MTHFD2L: variants seen among roughly 807,000 people sequenced by gnomAD.
The protein encoded by MTHFD2L is methylenetetrahydrofolate dehydrogenase (NADP+ dependent) 2 like.
MTHFD2L carries 29 observed loss-of-function variants against 34.9 expected under a neutral mutation model. The ratio of observed to expected loss-of-function variants is 0.83; its 90% confidence interval spans 0.62 to 1.13. The LOEUF (loss-of-function observed/expected upper bound fraction) is 1.13. MTHFD2L is among the 50% of genes most tolerant of loss of function. The probability of loss-of-function intolerance (pLI) is 0.00; values close to 1 mark genes in which losing one functional copy is unlikely to be tolerated. For synonymous variants in MTHFD2L, 167 were observed against 155.7 expected (o/e 1.07, Z -0.54); for missense variants, 481 against 446.5 (o/e 1.08, Z -0.70).
intron 3 of MTHFD2L, among the ~76,000 whole-genome samples, chr4:74,177,105 T>G (rs955893192): frequency 1.3e-5 from 2 of 151,920 alleles, no homozygotes; most frequent in African/African-American, 4.8e-5. Context: ...TGGCAGATAA[T>G]GCTTACATTA....
chr4:74,199,176 ATTACT>A (rs1475446440), intron 3 of MTHFD2L, among the ~76,000 whole-genome samples: 1 of 152,050 alleles, frequency 6.6e-6, no homozygotes, highest in African/African-American at 2.4e-5. Flanking sequence ...ATTTCATTTG[ATTACT>A]TTATTACTCA....
intron 5 of MTHFD2L, among the ~76,000 whole-genome samples, chr4:74,217,850 A>G (rs1449321159): frequency 6.6e-6 from 1 of 152,182 alleles, no homozygotes; most frequent in African/African-American, 2.4e-5. Context: ...GTGGTTTATC[A>G]GTGGGAAAGG....
chr4:74,269,865 A>G (rs915965626), intron 6 of MTHFD2L, among the ~76,000 whole-genome samples: 1 of 152,158 alleles, frequency 6.6e-6, no homozygotes, highest in Non-Finnish European at 1.5e-5. Context: ...GTATTATTTG[A>G]TATTTCCAGA....
In MTHFD2L at chr4:74,203,372, C is replaced by T. The variant is rs146228825; in HGVS notation, c.712+2002C>T. Among the ~76,000 whole-genome samples the T allele has an allele frequency of 7.5e-3, 1,148 of 152,114 alleles. 11 individuals carry two copies. The highest frequency in any genetic ancestry group is 0.026 in the African/African-American group (1,085 of 41,502). On this transcript the variant is annotated intron_variant, in intron 5 of 7. Coordinates refer to ENST00000325278, the MANE Select transcript of MTHFD2L (RefSeq NM_001144978.3). ...AAATAAAGATAGTGATTCTTATTTGCCTTTATGTAATAATTTCTGTGTCTT... is the reference window on the plus strand; with the variant it reads ...AAATAAAGATAGTGATTCTTATTTGTCTTTATGTAATAATTTCTGTGTCTT...
intron 1 of MTHFD2L, chr4:74,143,251 C>T (rs1455134911): frequency 3.5e-5 from 7 of 202,670 alleles, no homozygotes; most frequent in East Asian, 1.9e-4. Context: ...GGAAAGCATA[C>T]GTGCACTGAT....
intron 6 of MTHFD2L, among the ~76,000 whole-genome samples, chr4:74,250,054 G>A (rs1237605009): frequency 6.6e-6 from 1 of 152,066 alleles, no homozygotes; most frequent in Non-Finnish European, 1.5e-5. Context: ...AGTTCTCCTG[G>A]ATAATATCCT....
At chr4:74,261,327 G>A (rs2110223044) in intron 6 of MTHFD2L, among the ~76,000 whole-genome samples, 1 of 152,004 alleles carries the variant, frequency 6.6e-6, no homozygotes, top group Non-Finnish European at 1.5e-5. Flanking sequence ...AGTATCTACA[G>A]ATATCAATAA....
chr4:74,241,020 A>T (rs984941870), intron 6 of MTHFD2L, among the ~76,000 whole-genome samples: 1 of 152,186 alleles, frequency 6.6e-6, no homozygotes, highest in African/African-American at 2.4e-5. Flanking sequence ...AGCCCTAGGG[A>T]TACTAAAATA....
In MTHFD2L at chr4:74,191,049, G is replaced by A. The variant is rs543303549; in HGVS notation, c.452-8745G>A. ...CTGAGTAGCTGGGAGTACAGGTGCC[G>A]GCCACCATGCCCATCTAATTTTAGT... On this transcript the variant is annotated intron_variant, in intron 3 of 7. Transcript: ENST00000325278. 5.3e-5 allele frequency among the ~76,000 whole-genome samples: 8 copies of A among 151,838 alleles called. No homozygotes were observed. The South Asian group carries it at 1.5e-3, about 28-fold the overall frequency.
chr4:74,170,596 T>A (rs965737558), intron 1 of MTHFD2L, among the ~76,000 whole-genome samples: 1 of 151,542 alleles, frequency 6.6e-6, no homozygotes, highest in African/African-American at 2.4e-5. Flanking sequence ...TAAATTGGAG[T>A]ACATTAAAAT....
intron 1 of MTHFD2L, among the ~76,000 whole-genome samples, chr4:74,163,727 G>A (rs531273272): frequency 6.6e-6 from 1 of 152,256 alleles, no homozygotes; most frequent in East Asian, 1.9e-4. Flanking sequence ...ATTTTGCCCT[G>A]TTTTTGGGGG....
intron 5 of MTHFD2L, among the ~76,000 whole-genome samples, chr4:74,217,159 C>T (rs1459572258): frequency 6.6e-6 from 1 of 151,770 alleles, no homozygotes; most frequent in Non-Finnish European, 1.5e-5. Context: ...GTCTTTTCAC[C>T]TGGTTTCCTT....
At chr4:74,301,593 T>G in intron 7 of MTHFD2L, 104 bp from the exon 8 acceptor site, 1 of 622,322 alleles carries the variant, frequency 1.6e-6, no homozygotes, top group Non-Finnish European at 2.7e-6. Context: ...CTAAAAATGA[T>G]TTGTATATAT....
chr4:74,158,169 C>A lies in MTHFD2L; in HGVS notation c.31C>A (p.Leu11Ile). Residue 11 changes from leucine to isoleucine, a missense_variant, in exon 1 of 8, where the codon CTC becomes ATC. Leu to Ile is a conservative substitution (Grantham distance 5). Coordinates refer to ENST00000325278, the MANE Select transcript of MTHFD2L (RefSeq NM_001144978.3). MTVPVRGFSL[L>I]RGRLGRAPAL... ...GGTGCCGGTCCGCGGCTTCTCGCTG[C>A]TCCGCGGCCGCCTTGGCCGAGCGCC... 1 of 1,528,978 alleles carries A rather than the reference C, an allele frequency of 6.5e-7. No individual in the cohort carries two copies. The highest frequency in any genetic ancestry group is 8.8e-7 in the Non-Finnish European group (1 of 1,139,218). 94.7% of individuals were successfully genotyped at this position (1,528,978 alleles called of 1,614,324 possible).
At chr4:74,132,326 G>A (rs1722579397) in intron 1 of MTHFD2L, among the ~76,000 whole-genome samples, 1 of 151,938 alleles carries the variant, frequency 6.6e-6, no homozygotes, top group Non-Finnish European at 1.5e-5. Flanking sequence ...TAGCAAAGAT[G>A]TCAAACCAAC....
In MTHFD2L at chr4:74,267,237, A is replaced by G. The variant is rs1050694816; in HGVS notation, c.806-14188A>G. ...GGCCTGCAGTCTCTCCTCATTCCCC[A>G]AGTGCATTGGTGTCTGTTTGCAGGA... On this transcript the variant is annotated intron_variant, in intron 6 of 7. Transcript: ENST00000325278. 13 of 984,856 alleles carry G rather than the reference A, an allele frequency of 1.3e-5. No individual in the cohort carries two copies. The Admixed American group carries it at 4.3e-4, about 33-fold the overall frequency. 61.0% of individuals were successfully genotyped at this position (984,856 alleles called of 1,614,324 possible). A position where few individuals can be genotyped will look rare whatever the true frequency, so the allele number is the denominator to read the frequency against.
intron 7 of MTHFD2L, among the ~76,000 whole-genome samples, chr4:74,300,770 C>T (rs907396041): frequency 4.6e-5 from 7 of 152,082 alleles, no homozygotes; most frequent in Non-Finnish European, 8.8e-5. Context: ...GGTTACATCC[C>T]GGTAATCCTA....
rs1440780034 is a variant in MTHFD2L, at chr4:74,302,090, TAATA to T, written c.*290_*293del. The T allele has an allele frequency of 8.6e-6, 2 of 231,666 alleles. No individual in the cohort carries two copies. Among genetic ancestry groups the T allele is most frequent in the Non-Finnish European group, 1.7e-5 (2 of 121,136 alleles). The allele number at this position is 231,666 out of a possible 1,614,324, so 14.4% of individuals were successfully genotyped here. A position where few individuals can be genotyped will look rare whatever the true frequency, so the allele number is the denominator to read the frequency against. On this transcript the variant is annotated 3_prime_UTR_variant, in exon 8 of 8. Coordinates refer to ENST00000325278, the MANE Select transcript of MTHFD2L (RefSeq NM_001144978.3). Reference sequence around the variant, plus strand: ...TAACATTAAAACAATAAAGGGCTCATAATAAATAAATATATTTTTGACACAATTA... The same window carrying T: ...TAACATTAAAACAATAAAGGGCTCATAATAAATATATTTTTGACACAATTA...
chr4:74,155,456 T>G (rs1724179893), upstream of MTHFD2L, among the ~76,000 whole-genome samples: 1 of 152,134 alleles, frequency 6.6e-6, no homozygotes, highest in Non-Finnish European at 1.5e-5. Flanking sequence ...TGTAGAAATA[T>G]TTTAATTGGT....
Sources: allele counts gnomAD v4.1 joint callset (sites outside exome capture counted in the v4.1 genomes callset), GRCh38; gene constraint gnomAD v4.1.1; transcripts MANE v1.5; gene names NCBI Gene and HGNC (gene_info 2026-07-23, HGNC 2026-07-21).